Variants in GPHN observed in about 807,000 individuals in gnomAD.
The protein encoded by GPHN is gephyrin.
In GPHN, 17 loss-of-function variants were observed where a neutral mutation model predicts 95.5. The ratio of observed to expected loss-of-function variants is 0.18; its 90% confidence interval spans 0.12 to 0.27. The LOEUF is 0.27. GPHN is among the 10% of genes least tolerant of loss of function. The pLI is 1.00. For missense variants in GPHN, 660 were observed against 978.1 expected, an observed-to-expected ratio of 0.67 and a Z score of 4.34; for synonymous variants, 320 against 322.5, an observed-to-expected ratio of 0.99 and a Z score of 0.08.
At chr14:66,865,507 C>A (rs1427305343) in intron 4 of GPHN, among the ~76,000 whole-genome samples, 1 of 152,010 alleles carries the variant, frequency 6.6e-6, no homozygotes, top group Non-Finnish European at 1.5e-5. Context: ...GGAAAGAAAA[C>A]CCTGAGAGAT....
At chr14:67,340,534 AAAT>A in the GPHN span, 1 of 1,604,516 alleles carries the variant, frequency 6.2e-7, no homozygotes, top group Non-Finnish European at 8.5e-7. Flanking sequence ...ATAAAAAAAA[AAAT>A]AATATGTGTG....
At chr14:67,433,249 G>A in the GPHN span, among the ~76,000 whole-genome samples, 4,400 of 152,262 alleles carry the variant, frequency 0.029, 86 homozygotes, top group Non-Finnish European at 0.041. Flanking sequence ...GGCCTGGAGG[G>A]TGGAAGTATA....
chr14:67,665,462 C>A, the GPHN span, among the ~76,000 whole-genome samples: 12 of 151,706 alleles, frequency 7.9e-5, no homozygotes, highest in Non-Finnish European at 1.8e-4. Flanking sequence ...AGAGATGGGG[C>A]CTCACTATGT....
the GPHN span, among the ~76,000 whole-genome samples, chr14:67,698,062 AG>A: frequency 6.6e-6 from 1 of 152,240 alleles, no homozygotes; most frequent in Non-Finnish European, 1.5e-5. Context: ...TCAACATTGC[AG>A]TCAACATTGA....
intron 17 of GPHN, among the ~76,000 whole-genome samples, chr14:67,142,299 G>T (rs1272840092): frequency 1.3e-5 from 2 of 152,196 alleles, no homozygotes; most frequent in Non-Finnish European, 2.9e-5. Flanking sequence ...GATTTGTATG[G>T]ATTTAAAGTA....
At chr14:66,574,280 A>G (rs1476836964) in intron 1 of GPHN, among the ~76,000 whole-genome samples, 2 of 152,208 alleles carry the variant, frequency 1.3e-5, no homozygotes, top group African/African-American at 4.8e-5. Context: ...TACTAAAACT[A>G]TATGCTAACT....
At chr14:67,111,523 G>A (rs924489191) in intron 14 of GPHN, among the ~76,000 whole-genome samples, 11 of 152,028 alleles carry the variant, frequency 7.2e-5, no homozygotes, top group Non-Finnish European at 1.2e-4. Flanking sequence ...TATTAGGGTA[G>A]CCACCTACAT....
chr14:67,544,646 A>G, the GPHN span, among the ~76,000 whole-genome samples: 1 of 152,248 alleles, frequency 6.6e-6, no homozygotes, highest in African/African-American at 2.4e-5. Flanking sequence ...AGCATAAGAC[A>G]AGAACAAGAC....
intron 2 of GPHN, among the ~76,000 whole-genome samples, chr14:66,735,098 G>A (rs59831188): frequency 0.071 from 10,809 of 152,072 alleles, 944 homozygotes; most frequent in African/African-American, 0.2. Flanking sequence ...AGTCTTAGTA[G>A]TTATTCTTTA....
intron 3 of GPHN, among the ~76,000 whole-genome samples, chr14:66,793,972 A>G (rs938325075): frequency 6.6e-6 from 1 of 152,232 alleles, no homozygotes; most frequent in Non-Finnish European, 1.5e-5. Flanking sequence ...CAATTCAATC[A>G]TAAGGCATAC....
At chr14:67,314,242 T>C in the GPHN span, among the ~76,000 whole-genome samples, 4 of 152,168 alleles carry the variant, frequency 2.6e-5, no homozygotes, top group Non-Finnish European at 4.4e-5. Context: ...ATGAGATACA[T>C]AGTAGGAACA....
rs1355790070 is a variant in GPHN, at chr14:66,697,695, CTTTTTTT to C, written c.143+16514_143+16520del. On this transcript the variant is annotated intron_variant, in intron 2 of 22. Coordinates refer to ENST00000478722, the MANE Select transcript of GPHN (RefSeq NM_020806.5). ...TTTTTTCTTTTTTCTTTTTTCTTTT[CTTTTTTT>C]TTTGAGATGAGGTCTACCTCTTTCA... Among the ~76,000 whole-genome samples the C allele has an allele frequency of 9.4e-5, 6 of 64,120 alleles. No individual in the cohort carries two copies. In the African/African-American group the frequency reaches 1.3e-3, roughly 14 times the overall value. The allele number at this position is 64,120 out of a possible 152,430, so 42.1% of individuals were successfully genotyped here. A position where few individuals can be genotyped will look rare whatever the true frequency, so the allele number is the denominator to read the frequency against.
the GPHN span, among the ~76,000 whole-genome samples, chr14:67,291,372 C>T: frequency 1.3e-5 from 2 of 151,914 alleles, no homozygotes; most frequent in African/African-American, 4.8e-5. Context: ...GGATTACAGG[C>T]GCCTGCCACT....
chr14:66,552,541 A>G (rs1199386941), intron 1 of GPHN, among the ~76,000 whole-genome samples: 1 of 152,202 alleles, frequency 6.6e-6, no homozygotes, highest in Non-Finnish European at 1.5e-5. Flanking sequence ...GTAAGTCTAC[A>G]TATCCATTTG....
At chr14:66,545,035 A>G (rs1032820681) in intron 1 of GPHN, among the ~76,000 whole-genome samples, 11 of 152,036 alleles carry the variant, frequency 7.2e-5, no homozygotes, top group Non-Finnish European at 1.5e-4. Flanking sequence ...TCTTTTCCCC[A>G]CTTTCTACTC....
At chr14:67,607,913 G>GCATCCATGAATTCAA in the GPHN span, among the ~76,000 whole-genome samples, 1 of 152,144 alleles carries the variant, frequency 6.6e-6, no homozygotes, top group African/African-American at 2.4e-5. Flanking sequence ...TGTGGATTCT[G>GCATCCATGAATTCAA]CATCCATGAA....
At chr14:67,514,271 G>A in the GPHN span, among the ~76,000 whole-genome samples, 1 of 152,150 alleles carries the variant, frequency 6.6e-6, no homozygotes, top group African/African-American at 2.4e-5. Context: ...GACAGTCCCC[G>A]GGAAGGAAGG....
At chr14:66,829,380 G>A (rs770897665) in intron 4 of GPHN, among the ~76,000 whole-genome samples, 2 of 152,064 alleles carry the variant, frequency 1.3e-5, no homozygotes, top group Non-Finnish European at 2.9e-5. Flanking sequence ...GAACCACTGT[G>A]CCTGGCCAGA....
the GPHN span, among the ~76,000 whole-genome samples, chr14:67,528,474 T>A: frequency 6.6e-6 from 1 of 152,068 alleles, no homozygotes; most frequent in Non-Finnish European, 1.5e-5. Flanking sequence ...CTCCCCCAAT[T>A]GATGTGAGCA....
Sources: gnomAD v4.1 joint callset for allele counts (sites outside exome capture counted in the v4.1 genomes callset) on GRCh38, gnomAD v4.1.1 for gene constraint, MANE v1.5 for transcripts, NCBI Gene and HGNC (gene_info 2026-07-23, HGNC 2026-07-21) for gene names.